SPDYA: variants seen among roughly 807,000 people sequenced by gnomAD.
SPDYA encodes speedy/RINGO cell cycle regulator family member A.
In SPDYA, 11 loss-of-function variants were observed where a neutral mutation model predicts 36.7. That is an observed-to-expected ratio of 0.30 (90% CI 0.19 to 0.50). The LOEUF (loss-of-function observed/expected upper bound fraction) is 0.50, where lower values mean the gene tolerates loss of function less well. SPDYA is among the 20% of genes least tolerant of loss of function. The pLI, the probability that SPDYA is intolerant of heterozygous loss-of-function variation, is 0.98. For synonymous variants in SPDYA, 115 were observed against 118.7 expected, an observed-to-expected ratio of 0.97 and a Z score of 0.20; for missense variants, 287 against 370.9, an observed-to-expected ratio of 0.77 and a Z score of 1.86.
chr2:28,823,745 A>ATGTAT (rs1491479223), intron 5 of SPDYA, among the ~76,000 whole-genome samples: 10 of 42,856 alleles, frequency 2.3e-4, no homozygotes, highest in Non-Finnish European at 4.0e-4. Context: ...ATATATATAT[A>ATGTAT]AAATTTTTTT....
chr2:28,840,609 T>C (rs1433109683), intron 7 of SPDYA, 140 bp downstream of exon 7: 5 of 1,410,118 alleles, frequency 3.5e-6, no homozygotes, highest in African/African-American at 1.5e-5. Context: ...TTCTCCCCTT[T>C]CAGTTACTTT....
chr2:28,848,672 T>A (rs1668949444), intron 7 of SPDYA, among the ~76,000 whole-genome samples: 1 of 152,218 alleles, frequency 6.6e-6, no homozygotes, highest in African/African-American at 2.4e-5. Context: ...CACACATGTA[T>A]AATTTTAAAT....
intron 6 of SPDYA, among the ~76,000 whole-genome samples, chr2:28,836,127 T>A (rs914303061): frequency 6.6e-6 from 1 of 152,212 alleles, no homozygotes; most frequent in African/African-American, 2.4e-5. Context: ...TTTACAGAAA[T>A]TATCACACAA....
chr2:28,830,349 G>A (rs891932294), intron 6 of SPDYA, among the ~76,000 whole-genome samples: 11 of 151,468 alleles, frequency 7.3e-5, no homozygotes, highest in Admixed American at 2.0e-4. Context: ...GACTACAGGC[G>A]CCCGCCACCA....
intron 5 of SPDYA, among the ~76,000 whole-genome samples, chr2:28,824,379 A>C (rs1454975752): frequency 2.0e-5 from 3 of 149,088 alleles, no homozygotes; most frequent in Admixed American, 6.7e-5. Context: ...TGGGAGGCTG[A>C]GATGAAGAGG....
At chr2:28,838,401 G>A (rs998429559) in intron 6 of SPDYA, among the ~76,000 whole-genome samples, 5 of 151,856 alleles carry the variant, frequency 3.3e-5, no homozygotes, top group East Asian at 3.9e-4. Flanking sequence ...GGCTGGTCTC[G>A]AGCTCCTGGC....
intron 5 of SPDYA, among the ~76,000 whole-genome samples, chr2:28,827,723 ATTTTC>A (rs1668366908): frequency 6.6e-6 from 1 of 151,724 alleles, no homozygotes; most frequent in Non-Finnish European, 1.5e-5. Context: ...CACTGGTTTA[ATTTTC>A]TTCATGTTTC....
At chr2:28,815,183 A>T (rs545416471) in intron 2 of SPDYA, among the ~76,000 whole-genome samples, 1 of 151,790 alleles carries the variant, frequency 6.6e-6, no homozygotes, top group East Asian at 1.9e-4. Flanking sequence ...AAGGGAAGCT[A>T]AGGAAGGAGG....
intron 7 of SPDYA, among the ~76,000 whole-genome samples, chr2:28,848,764 C>T (rs778762195): frequency 2.0e-5 from 3 of 152,034 alleles, no homozygotes; most frequent in African/African-American, 2.4e-5. Flanking sequence ...TAAAACAGGC[C>T]GGGCATGGTG....
intron 4 of SPDYA, among the ~76,000 whole-genome samples, chr2:28,820,749 A>G (rs1668136669): frequency 6.6e-6 from 1 of 152,216 alleles, no homozygotes; most frequent in African/African-American, 2.4e-5. Context: ...CTACTAGCCA[A>G]CAGTAAAGGG....
At chr2:28,819,892 A>C (rs1468929285) in intron 4 of SPDYA, among the ~76,000 whole-genome samples, 1 of 85,312 alleles carries the variant, frequency 1.2e-5, no homozygotes, top group Admixed American at 1.8e-4. Flanking sequence ...ATATATATAT[A>C]TATATATATA....
chr2:28,823,702 A>AATATCTATAT (rs1668230038), intron 5 of SPDYA, among the ~76,000 whole-genome samples: 1 of 49,228 alleles, frequency 2.0e-5, no homozygotes, highest in Non-Finnish European at 3.7e-5. Flanking sequence ...GGAATGCATG[A>AATATCTATAT]ATATATATAT....
chr2:28,821,027 C>G (rs932816518), intron 4 of SPDYA, among the ~76,000 whole-genome samples: 2 of 151,998 alleles, frequency 1.3e-5, no homozygotes, highest in East Asian at 3.9e-4. Context: ...GAAGCTGATC[C>G]CAGACATCCT....
chr2:28,822,425 T>C lies in SPDYA; in HGVS notation c.380+15T>C. On this transcript the variant is annotated intron_variant, in intron 5 of 7. Coordinates refer to ENST00000334056, the MANE Select transcript of SPDYA (RefSeq NM_182756.4). ...TTTATTGCTCTGTAAGTATACTTTCTACTAAGTGATTGTTGTGTTATCTAT... is the reference window on the plus strand; with the variant it reads ...TTTATTGCTCTGTAAGTATACTTTCCACTAAGTGATTGTTGTGTTATCTAT... 1 of 1,346,948 alleles carries C rather than the reference T, an allele frequency of 7.4e-7. No individual in the cohort carries two copies. Among genetic ancestry groups the C allele is most frequent in the Non-Finnish European group, 1.0e-6 (1 of 968,976 alleles). 83.4% of individuals were successfully genotyped at this position (1,346,948 alleles called of 1,614,324 possible). A position where few individuals can be genotyped will look rare whatever the true frequency, so the allele number is the denominator to read the frequency against.
intron 3 of SPDYA, among the ~76,000 whole-genome samples, 181 bp from the exon 4 acceptor site, chr2:28,818,867 C>T (rs1299036794): frequency 2.6e-5 from 4 of 152,182 alleles, no homozygotes; most frequent in African/African-American, 4.8e-5. Flanking sequence ...AGTAGTTTTT[C>T]GTACAGTCTT....
Position 28,811,558 on chromosome 2 carries a change from T to C in SPDYA, c.-93+611T>C, listed in dbSNP as rs1667845381. ...ACATCCAGTAGGACTGGAGGGCCCC[T>C]AGCCTCAATCTTTTAAAAAGCCTTA... On this transcript the variant is annotated intron_variant, in intron 1 of 7. Transcript: ENST00000334056. The surrounding 1 kb of genome is among the most constrained non-coding windows in gnomAD (Gnocchi z 4.2). Among the ~76,000 whole-genome samples, 1 of 152,082 alleles carries C rather than the reference T, an allele frequency of 6.6e-6. No homozygotes were observed. The highest frequency in any genetic ancestry group is 6.5e-5 in the Admixed American group (1 of 15,268).
intron 6 of SPDYA, among the ~76,000 whole-genome samples, chr2:28,838,138 A>G (rs1668656678): frequency 6.6e-6 from 1 of 151,270 alleles, no homozygotes; most frequent in Non-Finnish European, 1.5e-5. Context: ...CCTATGGCCC[A>G]GAAAGTTGTG....
intron 3 of SPDYA, among the ~76,000 whole-genome samples, chr2:28,817,941 G>A (rs1156617103): frequency 2.7e-5 from 4 of 147,522 alleles, no homozygotes; most frequent in South Asian, 4.3e-4. Context: ...CAAGTGGATC[G>A]CTTGAGCTCA....
chr2:28,822,044 T>C (rs1668183062), intron 4 of SPDYA, among the ~76,000 whole-genome samples: 1 of 152,194 alleles, frequency 6.6e-6, no homozygotes, highest in African/African-American at 2.4e-5. Context: ...AGGTTTGAAA[T>C]TTAAATTAGA....
Sources: gnomAD v4.1 joint callset for allele counts (sites outside exome capture counted in the v4.1 genomes callset) on GRCh38, gnomAD v4.1.1 for gene constraint, Gnocchi (gnomAD v3.1) non-coding constraint, MANE v1.5 for transcripts, NCBI Gene and HGNC (gene_info 2026-07-23, HGNC 2026-07-21) for gene names.